Variants in PLD5 observed in about 807,000 individuals in gnomAD.
PLD5 encodes inactive phospholipase D5.
In PLD5, 36 loss-of-function variants were observed where a neutral mutation model predicts 61.1. The observed-to-expected ratio is 0.59, with a 90% CI of 0.45 to 0.78. PLD5 has a LOEUF of 0.78. PLD5 is among the 30% of genes least tolerant of loss of function. PLD5 has a pLI of 0.00. For synonymous variants in PLD5, 243 were observed against 242.8 expected, an observed-to-expected ratio of 1.00 and a Z score of -0.01; for missense variants, 515 against 644.4, an observed-to-expected ratio of 0.80 and a Z score of 2.17.
At chr1:242,092,759 G>C (rs1659933229) in intron 9 of PLD5, among the ~76,000 whole-genome samples, 1 of 152,204 alleles carries the variant, frequency 6.6e-6, no homozygotes, top group South Asian at 2.1e-4. Context: ...GAGACAGCCA[G>C]TTTCTGTTCC....
At position 242,227,158 on chromosome 1, in the gene PLD5, TC is replaced by T. The variant is rs575790600; in HGVS notation, c.608-7044del. ...AGTAACTATCTCATCTATAGATTATTCTTTTTGAGGACACTAATGTTTGCTT... is the reference window on the plus strand; with the variant it reads ...AGTAACTATCTCATCTATAGATTATTTTTTTGAGGACACTAATGTTTGCTT... On this transcript the variant is annotated intron_variant, in intron 4 of 9. Transcript: ENST00000536534. 5.1e-3 allele frequency among the ~76,000 whole-genome samples: 776 copies of T among 152,296 alleles called. 7 individuals carry two copies. Among genetic ancestry groups the T allele is most frequent in the African/African-American group, 0.018 (729 of 41,566 alleles).
chr1:242,182,500 G>A (rs1023718882), intron 5 of PLD5, among the ~76,000 whole-genome samples: 1 of 152,074 alleles, frequency 6.6e-6, no homozygotes, highest in African/African-American at 2.4e-5. Context: ...ACTTTGTGAT[G>A]GTCTTTGTTC....
chr1:242,158,416 G>T (rs1455466039), intron 5 of PLD5, among the ~76,000 whole-genome samples: 1 of 151,848 alleles, frequency 6.6e-6, no homozygotes, highest in Non-Finnish European at 1.5e-5. Flanking sequence ...CCAGGTTTCT[G>T]CTTGAAACCC....
chr1:242,192,026 C>G (rs1574486242), intron 5 of PLD5: 1 of 152,380 alleles, frequency 6.6e-6, no homozygotes, highest in South Asian at 2.1e-4. Context: ...TATGGCTGTG[C>G]TAGGGTTAGG....
chr1:242,454,543 T>C (rs779772004), intron 1 of PLD5, among the ~76,000 whole-genome samples: 79 of 152,148 alleles, frequency 5.2e-4, no homozygotes, highest in Non-Finnish European at 9.4e-4. Context: ...CACCCAAGAT[T>C]GCTAAGCATT....
At chr1:242,430,690 C>T (rs950422986) in intron 1 of PLD5, among the ~76,000 whole-genome samples, 1 of 152,270 alleles carries the variant, frequency 6.6e-6, no homozygotes, top group South Asian at 2.1e-4. Context: ...GACCCAAAGC[C>T]CTCCCTTCTA....
In PLD5 at chr1:242,256,176, G is replaced by A. The variant is rs1673001799; in HGVS notation, c.607+9161C>T. On this transcript the variant is annotated intron_variant, in intron 4 of 9. Coordinates refer to ENST00000536534, the MANE Select transcript of PLD5 (RefSeq NM_001372062.1). The surrounding 1 kb of genome is among the most constrained non-coding windows in gnomAD (Gnocchi z 5.7). ...AGCAAATGTATGACTTGAGTCACAA[G>A]GGGAGCAGATGAGTGGATGCAGAGG... Among the ~76,000 whole-genome samples, 1 of 152,182 alleles carries A rather than the reference G, an allele frequency of 6.6e-6. No individual in the cohort carries two copies. Among genetic ancestry groups the A allele is most frequent in the Admixed American group, 6.5e-5 (1 of 15,278 alleles).
At chr1:242,153,545 G>A (rs1219399497) in intron 5 of PLD5, among the ~76,000 whole-genome samples, 4 of 151,956 alleles carry the variant, frequency 2.6e-5, no homozygotes, top group African/African-American at 4.8e-5. Context: ...TAAGGAAGGG[G>A]TCCAGTTTCA....
chr1:242,495,134 C>T (rs144215084), intron 1 of PLD5, among the ~76,000 whole-genome samples: 2 of 152,236 alleles, frequency 1.3e-5, no homozygotes, highest in African/African-American at 4.8e-5. Flanking sequence ...CAGAAGATGA[C>T]ATAAACTAGA....
At chr1:242,295,275 G>A (rs541519699) in intron 2 of PLD5, among the ~76,000 whole-genome samples, 144 of 149,952 alleles carry the variant, frequency 9.6e-4, no homozygotes, top group African/African-American at 3.0e-3. Context: ...TTATCAATCC[G>A]TCCCCCTCTT....
intron 5 of PLD5, among the ~76,000 whole-genome samples, chr1:242,199,542 AT>A (rs1342726198): frequency 6.6e-6 from 1 of 152,192 alleles, no homozygotes; most frequent in Non-Finnish European, 1.5e-5. Context: ...GGGGTGAGCC[AT>A]GGTGCCCAGC....
chr1:242,171,935 AC>A (rs1017720526), intron 5 of PLD5, among the ~76,000 whole-genome samples: 6 of 152,214 alleles, frequency 3.9e-5, no homozygotes, highest in Non-Finnish European at 5.9e-5. Flanking sequence ...AGACTCCCAC[AC>A]AATAATAGTG....
chr1:242,109,685 C>A (rs554266880), intron 7 of PLD5, among the ~76,000 whole-genome samples: 1 of 152,100 alleles, frequency 6.6e-6, no homozygotes, highest in Non-Finnish European at 1.5e-5. Context: ...AATTTTTCAC[C>A]CTTTTCTGAC....
intron 5 of PLD5, among the ~76,000 whole-genome samples, chr1:242,151,123 C>G (rs1051146998): frequency 7.2e-5 from 11 of 151,984 alleles, no homozygotes; most frequent in Middle Eastern, 3.4e-3. Flanking sequence ...GTATTATTGT[C>G]ATATTTTACT....
At chr1:242,371,482 C>T (rs1168408288) in intron 1 of PLD5, among the ~76,000 whole-genome samples, 2 of 152,038 alleles carry the variant, frequency 1.3e-5, no homozygotes, top group Admixed American at 1.3e-4. Context: ...AACACCTTTC[C>T]CTATCACCTC....
intron 2 of PLD5, among the ~76,000 whole-genome samples, chr1:242,321,055 A>G (rs1658366390): frequency 1.3e-5 from 2 of 152,172 alleles, no homozygotes; most frequent in African/African-American, 4.8e-5. Context: ...GAAAGAAATA[A>G]AAATATTTTA....
intron 4 of PLD5, among the ~76,000 whole-genome samples, chr1:242,253,723 G>A (rs1672852107): frequency 6.6e-6 from 1 of 152,106 alleles, no homozygotes; most frequent in Non-Finnish European, 1.5e-5. Context: ...CCTGTCACAA[G>A]GTTGAATATG....
chr1:242,268,881 C>T (rs768609844), intron 3 of PLD5, among the ~76,000 whole-genome samples: 14 of 152,096 alleles, frequency 9.2e-5, no homozygotes, highest in East Asian at 1.9e-4. Flanking sequence ...CTCGATCTGT[C>T]GCCCAGACTG....
chr1:242,199,863 A>T (rs1011617026), intron 5 of PLD5, among the ~76,000 whole-genome samples: 1 of 152,166 alleles, frequency 6.6e-6, no homozygotes, highest in Non-Finnish European at 1.5e-5. Flanking sequence ...TTTTTTTCAC[A>T]GATGAATAGT....
Sources: gnomAD v4.1 joint callset for allele counts (sites outside exome capture counted in the v4.1 genomes callset) on GRCh38, gnomAD v4.1.1 for gene constraint, Gnocchi (gnomAD v3.1) non-coding constraint, MANE v1.5 for transcripts, NCBI Gene and HGNC (gene_info 2026-07-23, HGNC 2026-07-21) for gene names.